NDUFS1: variants seen among roughly 807,000 people sequenced by gnomAD.
NDUFS1 encodes the protein NADH:ubiquinone oxidoreductase core subunit S1.
In NDUFS1, 61 loss-of-function variants were observed where a neutral mutation model predicts 84.4. The observed-to-expected ratio is 0.72, with a 90% CI of 0.59 to 0.89. NDUFS1 has a LOEUF of 0.89. NDUFS1 is among the 40% of genes least tolerant of loss of function. The pLI is 0.00. For missense variants in NDUFS1, 891 were observed against 890.0 expected (o/e 1.00, Z -0.01); for synonymous variants, 275 against 290.0 (o/e 0.95, Z 0.53).
chr2:206,122,990 C>A lies in NDUFS1; in HGVS notation c.*1195G>T, dbSNP rs1427752256. ...GGCTCAAGCGATCCACCCACCTTGG[C>A]CCCCCAAGTGTTGGGATTACAGGTG... On this transcript the variant is annotated 3_prime_UTR_variant, in exon 19 of 19. Coordinates refer to ENST00000233190, the MANE Select transcript of NDUFS1 (RefSeq NM_005006.7). The A allele has an allele frequency of 1.3e-5, 2 of 152,060 alleles. No individual in the cohort carries two copies. The highest frequency in any genetic ancestry group is 6.6e-5 in the Admixed American group (1 of 15,256). The allele number at this position is 152,060 out of a possible 1,614,324, so 9.4% of individuals were successfully genotyped here. A position where few individuals can be genotyped will look rare whatever the true frequency, so the allele number is the denominator to read the frequency against.
At position 206,126,867 on chromosome 2, in the gene NDUFS1, A is replaced by C. The variant is rs1472012775; in HGVS notation, c.1885-23T>G. The C allele has an allele frequency of 2.5e-6, 4 of 1,613,648 alleles. No individual in the cohort carries two copies. In the Admixed American group the frequency reaches 5.0e-5, roughly 20 times the overall value. ...AATCTACAACATGTCAGGTCCCCAA[A>C]AACAACAAAAAGCTTTAATACTTAA... On this transcript the variant is annotated intron_variant, in intron 16 of 18. Coordinates refer to ENST00000233190, the MANE Select transcript of NDUFS1 (RefSeq NM_005006.7).
intron 1 of NDUFS1, among the ~76,000 whole-genome samples, 176 bp from the exon 2 acceptor site, chr2:206,153,858 G>A (rs1405516324): frequency 3.3e-5 from 5 of 152,100 alleles, no homozygotes; most frequent in African/African-American, 9.7e-5. Context: ...ATACTGACTT[G>A]TACAATGTCA....
chr2:206,150,023 T>TTCCATCTA (rs143126435), intron 3 of NDUFS1, 98 bp from the exon 4 acceptor site: 9 of 691,648 alleles, frequency 1.3e-5, no homozygotes, highest in Non-Finnish European at 7.6e-6. Context: ...ATCTTATTAC[T>TTCCATCTA]TCTATCTATC....
chr2:206,138,155 A>G (rs1575966919), intron 13 of NDUFS1, among the ~76,000 whole-genome samples: 2 of 152,306 alleles, frequency 1.3e-5, no homozygotes, highest in East Asian at 1.9e-4. Context: ...CAGTGGCACA[A>G]TCTTGGCTCA....
At chr2:206,141,857 C>CTA in intron 12 of NDUFS1, 84 bp downstream of exon 12, 1 of 1,232,874 alleles carries the variant, frequency 8.1e-7, no homozygotes, top group Non-Finnish European at 1.2e-6. Flanking sequence ...ACCACTAACA[C>CTA]TATTAGGAAG....
At position 206,123,375 on chromosome 2, in the gene NDUFS1, T is replaced by C. The variant is rs2105938962; in HGVS notation, c.*810A>G. On this transcript the variant is annotated 3_prime_UTR_variant, in exon 19 of 19. Coordinates refer to ENST00000233190, the MANE Select transcript of NDUFS1 (RefSeq NM_005006.7). ...AGCCACATAAATCACCATGACATTA[T>C]AGAAGCAGATTCAAGAGAAAATAGA... 1 of 150,198 alleles carries C rather than the reference T, an allele frequency of 6.7e-6. No individual in the cohort carries two copies. The highest frequency in any genetic ancestry group is 2.4e-5 in the African/African-American group (1 of 41,136). 9.3% of individuals were successfully genotyped at this position (150,198 alleles called of 1,614,324 possible). A position where few individuals can be genotyped will look rare whatever the true frequency, so the allele number is the denominator to read the frequency against.
In NDUFS1 at chr2:206,147,012, T is replaced by C. The variant is rs373855009; in HGVS notation, c.628A>G (p.Ile210Val). 6.8e-6 allele frequency: 11 copies of C among 1,614,036 alleles called. No individual in the cohort carries two copies. Among genetic ancestry groups the C allele is most frequent in the Non-Finnish European group, 9.3e-6 (11 of 1,180,018 alleles). ...RGNDMQVGTYIEKMFMSELSG... is the reference protein window; with the variant it reads ...RGNDMQVGTYVEKMFMSELSG... ...AGTTCAGACATGAACATCTTTTCAA[T>C]GTATGTGCCAACTTGCATATCATTT... The change falls in exon 8 of 19, where the codon ATT becomes GTT. Residue 210 changes from isoleucine to valine, a missense_variant. Ile to Val is a conservative substitution (Grantham distance 29, BLOSUM62 3). Coordinates refer to ENST00000233190, the MANE Select transcript of NDUFS1 (RefSeq NM_005006.7).
intron 12 of NDUFS1, among the ~76,000 whole-genome samples, 180 bp downstream of exon 12, chr2:206,141,761 A>C (rs1220531185): frequency 6.8e-6 from 1 of 147,768 alleles, no homozygotes; most frequent in Non-Finnish European, 1.5e-5. Context: ...CTGCCACTGC[A>C]CTCCAGCCTG....
intron 15 of NDUFS1, among the ~76,000 whole-genome samples, 172 bp downstream of exon 15, chr2:206,129,916 C>G (rs751282335): frequency 1.3e-5 from 2 of 151,658 alleles, no homozygotes; most frequent in Non-Finnish European, 2.9e-5. Context: ...AAAGCAGTAT[C>G]AATTATGTAA....
intron 12 of NDUFS1, among the ~76,000 whole-genome samples, chr2:206,139,653 C>T (rs548555136): frequency 4.0e-5 from 6 of 151,848 alleles, no homozygotes; most frequent in Non-Finnish European, 8.8e-5. Context: ...GGAACTATGG[C>T]TCCAGTTCCT....
chr2:206,139,100 G>C (rs1427394405), intron 12 of NDUFS1, among the ~76,000 whole-genome samples: 2 of 144,918 alleles, frequency 1.4e-5, no homozygotes, highest in Admixed American at 1.4e-4. Context: ...TGGGTAACAA[G>C]AGCAAAACTC....
At chr2:206,132,109 A>C (rs1691535101) in intron 14 of NDUFS1, among the ~76,000 whole-genome samples, 1 of 151,988 alleles carries the variant, frequency 6.6e-6, no homozygotes, top group Non-Finnish European at 1.5e-5. Flanking sequence ...TGGGCAACAG[A>C]GTGAGACTCT....
In NDUFS1 at chr2:206,120,559, G is replaced by C. The variant is rs1344874801; in HGVS notation, c.*3626C>G. 2 of 152,250 alleles carry C rather than the reference G, an allele frequency of 1.3e-5. No homozygotes were observed. The highest frequency in any genetic ancestry group is 2.4e-5 in the African/African-American group (1 of 41,440). The allele number at this position is 152,250 out of a possible 1,614,324, so 9.4% of individuals were successfully genotyped here. A position where few individuals can be genotyped will look rare whatever the true frequency, so the allele number is the denominator to read the frequency against. On this transcript the variant is annotated 3_prime_UTR_variant, in exon 19 of 19. Coordinates refer to ENST00000233190, the MANE Select transcript of NDUFS1 (RefSeq NM_005006.7). The stretch of plus-strand genomic sequence containing the variant: ...TGGGTGCATTGTGTCCAGGCCCTAG[G>C]AATCTGTGGAAGTTTGAACTTAAGA...
At chr2:206,129,375 A>G (rs1483562811) in intron 15 of NDUFS1, among the ~76,000 whole-genome samples, 1 of 151,878 alleles carries the variant, frequency 6.6e-6, no homozygotes, top group African/African-American at 2.4e-5. Context: ...TGATCCTCCC[A>G]CCTCAGCCTC....
chr2:206,125,026 T>TA (rs904677776), intron 18 of NDUFS1, among the ~76,000 whole-genome samples: 7 of 151,738 alleles, frequency 4.6e-5, no homozygotes, highest in African/African-American at 1.7e-4. Flanking sequence ...TTTTTTTTTT[T>TA]AAAGAGACCA....
In NDUFS1 at chr2:206,157,162, G is replaced by C. The variant is rs148608327; in HGVS notation, c.-5+2179C>G. 4.0e-3 allele frequency among the ~76,000 whole-genome samples: 607 copies of C among 152,322 alleles called. 2 individuals carry two copies. The highest frequency in any genetic ancestry group is 6.0e-3 in the Non-Finnish European group (410 of 68,028). ...AGAAGGGGTTTCGCCATGTTGGCCAGGCTGGTCTCAAACTCCTGACCTCAG... is the reference window on the plus strand; with the variant it reads ...AGAAGGGGTTTCGCCATGTTGGCCACGCTGGTCTCAAACTCCTGACCTCAG... On this transcript the variant is annotated intron_variant, in intron 1 of 18. Coordinates refer to ENST00000233190, the MANE Select transcript of NDUFS1 (RefSeq NM_005006.7).
rs1166789980 is a variant in NDUFS1 at position 206,142,769 on chromosome 2, G to A, written c.1050C>T (p.Ala350=). The change falls in exon 11 of 19, where the codon GCC becomes GCT. Residue 350 remains alanine (A), a synonymous_variant. Transcript: ENST00000233190. ...AIAGGLVDAE[A]LVALKDLLNR... Reference sequence around the variant, plus strand: ...TAAGCAAATCTTTGAGAGCTACCAGGGCTTCAGCATCCACCAAGCCACCTG... The same window carrying A: ...TAAGCAAATCTTTGAGAGCTACCAGAGCTTCAGCATCCACCAAGCCACCTG... The A allele has an allele frequency of 6.2e-7, 1 of 1,613,990 alleles. No individual in the cohort carries two copies. The highest frequency in any genetic ancestry group is 1.1e-5 in the South Asian group (1 of 91,068).
chr2:206,159,272 A>T, intron 1 of NDUFS1, 69 bp downstream of exon 1: 1 of 806,748 alleles, frequency 1.2e-6, no homozygotes, highest in South Asian at 1.5e-5. Context: ...GGGCCAAAGG[A>T]AACAGTCCCG....
chr2:206,153,636 T>C lies in NDUFS1; in HGVS notation c.43A>G (p.Lys15Glu), dbSNP rs373604746. The change falls in exon 2 of 19, where the codon AAG becomes GAG. Residue 15 changes from lysine to glutamate, a missense_variant. Lys to Glu is a moderately conservative substitution (Grantham distance 56, BLOSUM62 1). Coordinates refer to ENST00000233190, the MANE Select transcript of NDUFS1 (RefSeq NM_005006.7). Reference sequence around the variant, plus strand: ...TACTCACCACATCCTTTAGGAGACTTAGAAAGGCCTACTAAGGCCTTTCTT... The same window carrying C: ...TACTCACCACATCCTTTAGGAGACTCAGAAAGGCCTACTAAGGCCTTTCTT... ...PVRKALVGLS[K>E]SPKGCVRTTA... is the part of the protein sequence containing the mutation. 3.5e-5 allele frequency: 54 copies of C among 1,546,934 alleles called. No homozygotes were observed. Among genetic ancestry groups the C allele is most frequent in the Non-Finnish European group, 2.7e-6 (3 of 1,120,028 alleles).
Sources: gnomAD v4.1 joint callset for allele counts (sites outside exome capture counted in the v4.1 genomes callset) on GRCh38, gnomAD v4.1.1 for gene constraint, MANE v1.5 for transcripts, NCBI Gene and HGNC (gene_info 2026-07-23, HGNC 2026-07-21) for gene names.